The following HSD17B4 variants were observed in gnomAD, a reference collection of about 807,000 sequenced individuals.
HSD17B4 encodes the protein peroxisomal multifunctional enzyme type 2.
HSD17B4 carries 70 observed loss-of-function variants against 101.0 expected under a neutral mutation model. The observed-to-expected ratio is 0.69, with a 90% CI of 0.57 to 0.85. The LOEUF (loss-of-function observed/expected upper bound fraction) is 0.85, where lower values mean the gene tolerates loss of function less well. Among genes scored for constraint, HSD17B4 ranks in the 40% least tolerant of loss-of-function variants. HSD17B4 has a pLI of 0.00. For missense variants in HSD17B4, 984 were observed against 892.4 expected (o/e 1.10, Z -1.31); for synonymous variants, 347 against 297.1 (o/e 1.17, Z -1.73).
At chr5:119,481,106 G>A (rs952132208) in intron 8 of HSD17B4, among the ~76,000 whole-genome samples, 4 of 152,150 alleles carry the variant, frequency 2.6e-5, no homozygotes, top group East Asian at 3.9e-4. Context: ...CATCCTCCTC[G>A]GCTGACAGGA....
intron 17 of HSD17B4, among the ~76,000 whole-genome samples, chr5:119,524,098 G>A (rs1304826793): frequency 6.6e-6 from 1 of 152,004 alleles, no homozygotes; most frequent in Non-Finnish European, 1.5e-5. Flanking sequence ...TCTCATATGG[G>A]ACCTTGCAAG....
chr5:119,458,349 T>C (rs1561425793), intron 2 of HSD17B4, among the ~76,000 whole-genome samples: 1 of 151,526 alleles, frequency 6.6e-6, no homozygotes. Flanking sequence ...ACACTAATTT[T>C]TTTTTTTTTT....
chr5:119,468,826 A>T (rs1226978029), intron 2 of HSD17B4, among the ~76,000 whole-genome samples: 8 of 142,868 alleles, frequency 5.6e-5, no homozygotes, highest in Non-Finnish European at 6.1e-5. Context: ...TTTTTGTCTG[A>T]CTGGGTTATT....
intron 11 of HSD17B4, among the ~76,000 whole-genome samples, chr5:119,495,372 A>G (rs1033841050): frequency 2.6e-5 from 4 of 152,218 alleles, no homozygotes; most frequent in Non-Finnish European, 4.4e-5. Flanking sequence ...TTGAAGCACA[A>G]TTTTTAAAAA....
At chr5:119,466,860 C>T (rs1424888107) in intron 2 of HSD17B4, among the ~76,000 whole-genome samples, 1 of 152,006 alleles carries the variant, frequency 6.6e-6, no homozygotes, top group African/African-American at 2.4e-5. Context: ...CTTTTAGATG[C>T]ATTTTTAGAT....
chr5:119,531,110 A>G (rs577626389), intron 21 of HSD17B4, among the ~76,000 whole-genome samples, 156 bp from the exon 22 acceptor site: 18 of 152,170 alleles, frequency 1.2e-4, no homozygotes, highest in Admixed American at 2.0e-4. Flanking sequence ...TGAGTGATGT[A>G]TACAAATAAG....
rs543710228 is a variant in HSD17B4 at position 119,493,889 on chromosome 5, G to A, written c.811G>A (p.Ala271Thr). 5.5e-5 allele frequency: 89 copies of A among 1,613,322 alleles called. 1 individual carries two copies. In the South Asian group the frequency reaches 8.2e-4, roughly 15 times the overall value. The change falls in exon 11 of 24, where the codon GCT (alanine) becomes ACT (threonine). Residue 271 changes from alanine to threonine, a missense_variant. Transcript: ENST00000510025. Reference protein sequence around the residue: ...NHPMTPEAVKANWKKICDFEN... With the variant: ...NHPMTPEAVKTNWKKICDFEN... ...CCCAATGACTCCTGAGGCAGTCAAG[G>A]CTAACTGGAAGAAGATCTGTGACTT...
At chr5:119,486,101 T>G (rs982508716) in intron 8 of HSD17B4, among the ~76,000 whole-genome samples, 5 of 152,164 alleles carry the variant, frequency 3.3e-5, no homozygotes, top group Non-Finnish European at 7.4e-5. Flanking sequence ...TTTCTCACCA[T>G]GTGGCTTTTC....
chr5:119,518,617 A>G (rs1391675328), intron 17 of HSD17B4, among the ~76,000 whole-genome samples: 1 of 152,212 alleles, frequency 6.6e-6, no homozygotes, highest in East Asian at 1.9e-4. Context: ...TAGAGCATTC[A>G]CATTGGAGAC....
intron 7 of HSD17B4, chr5:119,478,070 G>C (rs1038799811): frequency 2.5e-5 from 4 of 156,872 alleles, no homozygotes; most frequent in African/African-American, 4.8e-5. Flanking sequence ...TCTGTAACCC[G>C]AATATTATTT....
chr5:119,518,667 T>G (rs1352621094), intron 17 of HSD17B4, among the ~76,000 whole-genome samples: 3 of 152,156 alleles, frequency 2.0e-5, no homozygotes, highest in Non-Finnish European at 2.9e-5. Context: ...CTTTAAGAGA[T>G]ATGGAAATGA....
rs540169564 is a variant in HSD17B4 at position 119,506,237 on chromosome 5, A to G, written c.1262-581A>G. Among the ~76,000 whole-genome samples the G allele has an allele frequency of 9.2e-5, 14 of 151,738 alleles. No individual in the cohort carries two copies. In the East Asian group the frequency reaches 2.5e-3, roughly 27 times the overall value. ...TGTGTCCATGTGTTCTCGTTGTTCAACTCCCACTTATGAGTGAGAACGTGC... is the reference window on the plus strand; with the variant it reads ...TGTGTCCATGTGTTCTCGTTGTTCAGCTCCCACTTATGAGTGAGAACGTGC... On this transcript the variant is annotated intron_variant, in intron 14 of 23. Coordinates refer to ENST00000510025, the MANE Select transcript of HSD17B4 (RefSeq NM_000414.4).
chr5:119,518,014 C>G (rs1322587221), intron 17 of HSD17B4, among the ~76,000 whole-genome samples: 1 of 152,122 alleles, frequency 6.6e-6, no homozygotes, highest in African/African-American at 2.4e-5. Flanking sequence ...TCAAAACAGA[C>G]CACTCAGCTC....
chr5:119,498,741 A>T (rs2257901), intron 12 of HSD17B4, among the ~76,000 whole-genome samples: 1 of 151,860 alleles, frequency 6.6e-6, no homozygotes, highest in Non-Finnish European at 1.5e-5. Flanking sequence ...TTAGCCAGGC[A>T]TGGTGGCACG....
Position 119,490,996 on chromosome 5 carries a change from A to C in HSD17B4, c.715-1104A>C, listed in dbSNP as rs189169924. On this transcript the variant is annotated intron_variant, in intron 9 of 23. Transcript: ENST00000510025. ...TAGTGAGGAACATTTAGCATGCATGATTGATAAACTATACTAAGAGCTGTG... is the reference window on the plus strand; with the variant it reads ...TAGTGAGGAACATTTAGCATGCATGCTTGATAAACTATACTAAGAGCTGTG... Among the ~76,000 whole-genome samples, 109 of 152,278 alleles carry C rather than the reference A, an allele frequency of 7.2e-4. 1 individual carries two copies. The highest frequency in any genetic ancestry group is 2.5e-3 in the African/African-American group (104 of 41,554).
At chr5:119,510,777 C>A (rs1038474956) in intron 16 of HSD17B4, among the ~76,000 whole-genome samples, 3 of 152,200 alleles carry the variant, frequency 2.0e-5, no homozygotes, top group African/African-American at 7.2e-5. Context: ...ATGACAGAAA[C>A]TGTACCCCAG....
Position 119,469,754 on chromosome 5 carries a change from T to C in HSD17B4, c.113-4154T>C, listed in dbSNP as rs1756172232. On this transcript the variant is annotated intron_variant, in intron 2 of 23. Transcript: ENST00000510025. ...TGAATTAACTTTTGTAGGGAAAGACTTTTTTCTCTATGTATCAGTTAGGTT... is the reference window on the plus strand; with the variant it reads ...TGAATTAACTTTTGTAGGGAAAGACCTTTTTCTCTATGTATCAGTTAGGTT... Among the ~76,000 whole-genome samples the C allele has an allele frequency of 2.6e-5, 4 of 152,218 alleles. No homozygotes were observed. The South Asian group carries it at 8.3e-4, about 31-fold the overall frequency.
chr5:119,510,026 G>T (rs570488857), intron 16 of HSD17B4, among the ~76,000 whole-genome samples: 1 of 152,130 alleles, frequency 6.6e-6, no homozygotes, highest in Admixed American at 6.5e-5. Flanking sequence ...CATTGTTTAA[G>T]GGTCAACTGT....
intron 7 of HSD17B4, chr5:119,477,704 A>G: frequency 1.8e-6 from 1 of 559,426 alleles, no homozygotes; most frequent in Non-Finnish European, 3.3e-6. Flanking sequence ...AAAGCTTTAT[A>G]TTTATTTTTT....
Sources: gnomAD v4.1 joint callset for allele counts (sites outside exome capture counted in the v4.1 genomes callset) on GRCh38, gnomAD v4.1.1 for gene constraint, MANE v1.5 for transcripts, NCBI Gene and HGNC (gene_info 2026-07-23, HGNC 2026-07-21) for gene names.